SGSM1: variants seen among roughly 807,000 people sequenced by gnomAD.
SGSM1 encodes the protein small G protein signaling modulator 1.
SGSM1 carries 73 observed loss-of-function variants against 133.8 expected under a neutral mutation model. The observed-to-expected ratio is 0.55, with a 90% CI of 0.45 to 0.66. SGSM1 has a LOEUF of 0.66. Among genes scored for constraint, SGSM1 ranks in the 30% least tolerant of loss-of-function variants. The pLI is 0.00. For missense variants in SGSM1, 1,213 were observed against 1,448.1 expected (o/e 0.84, Z 2.64); for synonymous variants, 563 against 573.0 (o/e 0.98, Z 0.25).
At chr22:24,902,865 C>A (rs1933213889) in intron 20 of SGSM1, among the ~76,000 whole-genome samples, 1 of 152,126 alleles carries the variant, frequency 6.6e-6, no homozygotes, top group African/African-American at 2.4e-5. Context: ...CATAACAAGA[C>A]CCCATCTCTA....
At chr22:24,880,760 C>G (rs1344871948) in intron 14 of SGSM1, among the ~76,000 whole-genome samples, 10 of 152,204 alleles carry the variant, frequency 6.6e-5, no homozygotes, top group Non-Finnish European at 1.3e-4. Flanking sequence ...GGAGCAATGT[C>G]TTTGGACAAT....
At chr22:24,894,661 G>A (rs984498238) in intron 17 of SGSM1, among the ~76,000 whole-genome samples, 2 of 152,174 alleles carry the variant, frequency 1.3e-5, no homozygotes, top group African/African-American at 4.8e-5. Flanking sequence ...TGTGCTCCAC[G>A]TGGCTCACTG....
At chr22:24,892,950 AC>A (rs1207466722) in intron 16 of SGSM1, among the ~76,000 whole-genome samples, 1 of 151,476 alleles carries the variant, frequency 6.6e-6, no homozygotes, top group Non-Finnish European at 1.5e-5. Context: ...AGTCCCAGCT[AC>A]TCAGGAGGCT....
chr22:24,923,255 G>A lies in SGSM1; in HGVS notation c.3194-931G>A, dbSNP rs376347484. Among the ~76,000 whole-genome samples the A allele has an allele frequency of 5.3e-5, 8 of 151,728 alleles. No homozygotes were observed. The South Asian group carries it at 8.4e-4, about 16-fold the overall frequency. On this transcript the variant is annotated intron_variant, in intron 24 of 24. Coordinates refer to ENST00000400358, the MANE Select transcript of SGSM1 (RefSeq NM_001098497.3). ...GATGGAGTATTCCCACGCTTCCCTCGAAATACCCAAATACTCCACAGTGCC... is the reference window on the plus strand; with the variant it reads ...GATGGAGTATTCCCACGCTTCCCTCAAAATACCCAAATACTCCACAGTGCC...
chr22:24,887,449 C>A (rs1932681064), intron 16 of SGSM1, among the ~76,000 whole-genome samples: 1 of 152,100 alleles, frequency 6.6e-6, no homozygotes, highest in African/African-American at 2.4e-5. Flanking sequence ...CTTTTGATGG[C>A]TGAGTAGTAT....
chr22:24,858,635 CAA>C (rs139699), intron 8 of SGSM1, among the ~76,000 whole-genome samples: 3 of 83,024 alleles, frequency 3.6e-5, no homozygotes. Flanking sequence ...GACTCCATCT[CAA>C]AAAAAAAAAA....
At position 24,893,258 on chromosome 22, in the gene SGSM1, C is replaced by G. The variant is rs534626622; in HGVS notation, c.1771-173C>G. ...AGAAGTAGCCTTGCTCCCTTTGTGTCTTCAGAGCCTAACCAGTGCTAGGCA... is the reference window on the plus strand; with the variant it reads ...AGAAGTAGCCTTGCTCCCTTTGTGTGTTCAGAGCCTAACCAGTGCTAGGCA... On this transcript the variant is annotated intron_variant, in intron 16 of 24. Coordinates refer to ENST00000400358, the MANE Select transcript of SGSM1 (RefSeq NM_001098497.3). 2.0e-5 allele frequency among the ~76,000 whole-genome samples: 3 copies of G among 152,310 alleles called. No individual in the cohort carries two copies. In the South Asian group the frequency reaches 6.2e-4, roughly 32 times the overall value.
At chr22:24,899,513 CTTTTCTT>C (rs996422169) in intron 19 of SGSM1, among the ~76,000 whole-genome samples, 3 of 127,998 alleles carry the variant, frequency 2.3e-5, no homozygotes, top group Non-Finnish European at 4.8e-5. Context: ...TTTTGCTTTT[CTTTTCTT>C]TTTTTTTTTT....
chr22:24,810,334 A>C (rs566460237), intron 2 of SGSM1, among the ~76,000 whole-genome samples: 2 of 151,832 alleles, frequency 1.3e-5, no homozygotes, highest in East Asian at 3.9e-4. Context: ...CCTCCAGGGC[A>C]AGCATCCTTT....
chr22:24,820,761 C>A (rs1244867961), intron 2 of SGSM1, among the ~76,000 whole-genome samples: 1 of 152,184 alleles, frequency 6.6e-6, no homozygotes, highest in Non-Finnish European at 1.5e-5. Flanking sequence ...TGAGCGCCTA[C>A]TGTGTACCAG....
chr22:24,816,194 C>G (rs918261390), intron 2 of SGSM1, among the ~76,000 whole-genome samples: 1 of 152,094 alleles, frequency 6.6e-6, no homozygotes, highest in Admixed American at 6.5e-5. Flanking sequence ...ACAGTAGGTA[C>G]GAGTAGCAAC....
rs549800814 is a variant in SGSM1 at position 24,837,006 on chromosome 22, A to G, written c.64-7891A>G. Among the ~76,000 whole-genome samples, 5 of 152,346 alleles carry G rather than the reference A, an allele frequency of 3.3e-5. No individual in the cohort carries two copies. In the East Asian group the frequency reaches 9.6e-4, roughly 29 times the overall value. ...AAATCATTGTCAAATCCAATGTTGT[A>G]GGGACCAGCCCCACAGGGTCGGTGG... is the stretch of plus-strand genomic sequence containing the variant. On this transcript the variant is annotated intron_variant, in intron 2 of 24. Transcript: ENST00000400358.
At chr22:24,883,201 G>A (rs575793879) in intron 14 of SGSM1, among the ~76,000 whole-genome samples, 14 of 152,130 alleles carry the variant, frequency 9.2e-5, no homozygotes, top group Admixed American at 8.5e-4. Context: ...ACCGCGCACG[G>A]CCACCACGGT....
At chr22:24,901,711 G>A in intron 19 of SGSM1, 122 bp from the exon 20 acceptor site, 1 of 1,067,794 alleles carries the variant, frequency 9.4e-7, no homozygotes, top group South Asian at 2.0e-5. Flanking sequence ...CCAGGTGGGA[G>A]ATGTATTTTC....
At chr22:24,827,580 C>T (rs867227838) in intron 2 of SGSM1, among the ~76,000 whole-genome samples, 3 of 151,998 alleles carry the variant, frequency 2.0e-5, no homozygotes, top group Non-Finnish European at 4.4e-5. Flanking sequence ...CCTCAGCAGC[C>T]GGCCGTTCAC....
chr22:24,891,203 T>A lies in SGSM1; in HGVS notation c.1771-2228T>A, dbSNP rs960627149. ...GCGTGACCCCCATCTCTACAAAAAA[T>A]TTAAAAACTAGCTGGGCATGGTAGC... On this transcript the variant is annotated intron_variant, in intron 16 of 24. Coordinates refer to ENST00000400358, the MANE Select transcript of SGSM1 (RefSeq NM_001098497.3). 2.0e-5 allele frequency among the ~76,000 whole-genome samples: 3 copies of A among 152,076 alleles called. No homozygotes were observed. In the South Asian group the frequency reaches 6.2e-4, roughly 31 times the overall value.
chr22:24,900,414 T>TCTCTCTTTCTC (rs1484572431), intron 19 of SGSM1, among the ~76,000 whole-genome samples: 5 of 146,258 alleles, frequency 3.4e-5, no homozygotes, highest in African/African-American at 1.3e-4. Flanking sequence ...TTTCTGTATT[T>TCTCTCTTTCTC]TTGAGACAGA....
At chr22:24,920,871 A>C (rs376801302) in intron 24 of SGSM1, among the ~76,000 whole-genome samples, 6 of 152,180 alleles carry the variant, frequency 3.9e-5, no homozygotes, top group African/African-American at 1.4e-4. Context: ...GTTAGCATTT[A>C]CATAACCCTG....
At chr22:24,903,005 G>A (rs1933219263) in intron 20 of SGSM1, among the ~76,000 whole-genome samples, 1 of 152,050 alleles carries the variant, frequency 6.6e-6, no homozygotes, top group Admixed American at 6.6e-5. Context: ...TCACACAACT[G>A]CACTCCAGCC....
Sources: gnomAD v4.1 joint callset for allele counts (sites outside exome capture counted in the v4.1 genomes callset) on GRCh38, gnomAD v4.1.1 for gene constraint, MANE v1.5 for transcripts, NCBI Gene and HGNC (gene_info 2026-07-23, HGNC 2026-07-21) for gene names.